CCDC148: variants seen among roughly 807,000 people sequenced by gnomAD.
CCDC148 encodes the protein coiled-coil domain-containing protein 148.
In CCDC148, 89 loss-of-function variants were observed where a neutral mutation model predicts 85.7. That is an observed-to-expected ratio of 1.04 (90% CI 0.87 to 1.24). The LOEUF (loss-of-function observed/expected upper bound fraction) is 1.24. Among genes scored for constraint, CCDC148 ranks in the 50% most tolerant of loss-of-function variants. CCDC148 has a pLI of 0.00. For synonymous variants in CCDC148, 230 were observed against 213.9 expected, an observed-to-expected ratio of 1.08 and a Z score of -0.66; for missense variants, 692 against 671.7, an observed-to-expected ratio of 1.03 and a Z score of -0.33.
At chr2:158,225,694 C>T (rs555196261) in intron 10 of CCDC148, among the ~76,000 whole-genome samples, 304 of 152,306 alleles carry the variant, frequency 2.0e-3, no homozygotes, top group African/African-American at 6.8e-3. Context: ...ACAATTCGCT[C>T]CTGAATGACT....
intron 1 of CCDC148, among the ~76,000 whole-genome samples, chr2:158,395,535 A>G (rs1685486405): frequency 6.6e-6 from 1 of 152,172 alleles, no homozygotes; most frequent in Non-Finnish European, 1.5e-5. Flanking sequence ...ATAATGTGAA[A>G]GGGAATAATT....
chr2:158,255,585 G>T (rs978268627), intron 9 of CCDC148, among the ~76,000 whole-genome samples: 17 of 151,622 alleles, frequency 1.1e-4, no homozygotes, highest in Admixed American at 2.6e-4. Flanking sequence ...CTGGCAGGTG[G>T]GCAAAAGAAT....
chr2:158,205,919 G>A (rs35651407), intron 11 of CCDC148, among the ~76,000 whole-genome samples: 34,816 of 151,982 alleles, frequency 0.23, 4,043 homozygotes, highest in Middle Eastern at 0.27. Context: ...ATAGGTTCTC[G>A]CATAGTAGAG....
At chr2:158,243,164 T>TG (rs982160650) in intron 10 of CCDC148, among the ~76,000 whole-genome samples, 1 of 151,752 alleles carries the variant, frequency 6.6e-6, no homozygotes. Context: ...CCTAGAGAGG[T>TG]GGGTTTGTTC....
intron 1 of CCDC148, among the ~76,000 whole-genome samples, chr2:158,435,894 T>G (rs140818365): frequency 0.17 from 25,317 of 152,058 alleles, 2,261 homozygotes; most frequent in Middle Eastern, 0.21. Context: ...CAATACATAA[T>G]GGTAAAGGGA....
At chr2:158,204,220 T>C (rs1200353324) in intron 11 of CCDC148, among the ~76,000 whole-genome samples, 4 of 152,112 alleles carry the variant, frequency 2.6e-5, no homozygotes, top group Admixed American at 1.3e-4. Context: ...TAACAAGTAA[T>C]TACAATACAA....
At chr2:158,192,251 G>T (rs888539259) in intron 11 of CCDC148, among the ~76,000 whole-genome samples, 1 of 151,974 alleles carries the variant, frequency 6.6e-6, no homozygotes, top group African/African-American at 2.4e-5. Context: ...AGCTAGAGAT[G>T]TCCATATGGG....
intron 1 of CCDC148, among the ~76,000 whole-genome samples, chr2:158,418,914 G>C (rs1686638551): frequency 6.6e-6 from 1 of 152,084 alleles, no homozygotes; most frequent in African/African-American, 2.4e-5. Context: ...AAACAAAATT[G>C]TAACTTTTAG....
At chr2:158,183,832 C>A (rs968725959) in intron 11 of CCDC148, among the ~76,000 whole-genome samples, 4 of 152,070 alleles carry the variant, frequency 2.6e-5, no homozygotes, top group Non-Finnish European at 5.9e-5. Flanking sequence ...TCACGGGGAA[C>A]CTGTTTCTGC....
chr2:158,400,073 G>A (rs894983549), intron 1 of CCDC148, among the ~76,000 whole-genome samples: 1 of 152,044 alleles, frequency 6.6e-6, no homozygotes, highest in East Asian at 1.9e-4. Flanking sequence ...ACAAACAAAC[G>A]GAAGAACATT....
chr2:158,244,283 T>C (rs982053943), intron 10 of CCDC148, among the ~76,000 whole-genome samples: 9 of 152,172 alleles, frequency 5.9e-5, no homozygotes, highest in African/African-American at 1.9e-4. Context: ...CGTTGTTGTA[T>C]AAAAATTGCC....
intron 9 of CCDC148, among the ~76,000 whole-genome samples, chr2:158,283,064 C>G (rs1574542412): frequency 2.6e-5 from 4 of 152,160 alleles, no homozygotes; most frequent in African/African-American, 2.4e-5. Context: ...GCTGGGAAAA[C>G]TGGCTAGCCA....
At chr2:158,347,450 GA>G (rs528962491) in intron 2 of CCDC148, among the ~76,000 whole-genome samples, 8 of 144,118 alleles carry the variant, frequency 5.6e-5, no homozygotes, top group Non-Finnish European at 9.2e-5. Context: ...GGCCAAAAAT[GA>G]AAAAAAAAAG....
intron 7 of CCDC148, among the ~76,000 whole-genome samples, chr2:158,336,163 A>G (rs913970919): frequency 6.6e-6 from 1 of 152,196 alleles, no homozygotes; most frequent in African/African-American, 2.4e-5. Flanking sequence ...AGTAGTGAAG[A>G]TACTGGTAAA....
chr2:158,342,072 C>T (rs10190347), intron 3 of CCDC148, among the ~76,000 whole-genome samples: 21,666 of 136,230 alleles, frequency 0.16, 2,943 homozygotes, highest in African/African-American at 0.36. Context: ...CTGGGTCGCC[C>T]GGGCTGAAGT....
chr2:158,352,057 A>T (rs1291792094), intron 2 of CCDC148, among the ~76,000 whole-genome samples: 1 of 142,386 alleles, frequency 7.0e-6, no homozygotes, highest in African/African-American at 2.7e-5. Context: ...AAGGACATCC[A>T]CACCAAAAAC....
intron 1 of CCDC148, among the ~76,000 whole-genome samples, chr2:158,377,681 AC>A (rs1684711520): frequency 6.6e-6 from 1 of 152,002 alleles, no homozygotes; most frequent in Non-Finnish European, 1.5e-5. Flanking sequence ...GCCTGTCAGC[AC>A]CATCTTTTCA....
intron 1 of CCDC148, among the ~76,000 whole-genome samples, chr2:158,390,662 C>G (rs1185891858): frequency 2.0e-5 from 3 of 152,140 alleles, no homozygotes; most frequent in Non-Finnish European, 4.4e-5. Context: ...ACTGAAAAAA[C>G]AGGTCTGCAG....
At chr2:158,187,193 T>A (rs1685195476) in intron 11 of CCDC148, among the ~76,000 whole-genome samples, 1 of 151,980 alleles carries the variant, frequency 6.6e-6, no homozygotes, top group East Asian at 1.9e-4. Context: ...TCAAAACTCA[T>A]CTTCATCCAT....
Sources: gnomAD v4.1 joint callset for allele counts (sites outside exome capture counted in the v4.1 genomes callset) on GRCh38, gnomAD v4.1.1 for gene constraint, MANE v1.5 for transcripts, NCBI Gene and HGNC (gene_info 2026-07-23, HGNC 2026-07-21) for gene names.